FHIT: variants seen among roughly 807,000 people sequenced by gnomAD.
FHIT encodes bis(5'-adenosyl)-triphosphatase.
Under a neutral mutation model 17.9 loss-of-function variants are expected in FHIT, and 19 were observed. The ratio of observed to expected loss-of-function variants is 1.06; its 90% CI spans 0.74 to 1.56. The LOEUF is 1.56. Ranked by LOEUF, FHIT falls within the 40% of genes most tolerant of loss-of-function variation. The pLI is 0.00. For synonymous variants in FHIT, 81 were observed against 69.7 expected, an observed-to-expected ratio of 1.16 and a Z score of -0.81; for missense variants, 248 against 189.2, an observed-to-expected ratio of 1.31 and a Z score of -1.82.
intron 5 of FHIT, among the ~76,000 whole-genome samples, chr3:60,179,145 G>A (rs2107435249): frequency 6.6e-6 from 1 of 152,234 alleles, no homozygotes; most frequent in South Asian, 2.1e-4. Context: ...TACCTACCAC[G>A]TGGCCGCATT....
At chr3:60,572,085 T>C (rs989218125) in intron 4 of FHIT, among the ~76,000 whole-genome samples, 5 of 152,060 alleles carry the variant, frequency 3.3e-5, no homozygotes, top group Admixed American at 6.6e-5. Context: ...AGTCAATAGA[T>C]TCTAAATTAT....
At chr3:60,339,906 G>C (rs1462725625) in intron 5 of FHIT, among the ~76,000 whole-genome samples, 2 of 152,064 alleles carry the variant, frequency 1.3e-5, no homozygotes, top group African/African-American at 4.8e-5. Flanking sequence ...TAAAGGCTTA[G>C]AATCTTTATT....
intron 3 of FHIT, among the ~76,000 whole-genome samples, chr3:60,859,575 C>A (rs1304269187): frequency 6.6e-6 from 1 of 151,948 alleles, no homozygotes; most frequent in African/African-American, 2.4e-5. Flanking sequence ...CTAGACTCTA[C>A]TCCTCACTCT....
intron 5 of FHIT, among the ~76,000 whole-genome samples, chr3:60,470,261 T>C (rs1033663864): frequency 1.3e-5 from 2 of 152,072 alleles, no homozygotes; most frequent in African/African-American, 4.8e-5. Flanking sequence ...AATAAGTATA[T>C]GGGAAATCCT....
chr3:59,778,920 T>C (rs1702450500), intron 8 of FHIT, among the ~76,000 whole-genome samples: 1 of 152,210 alleles, frequency 6.6e-6, no homozygotes, highest in Admixed American at 6.5e-5. Flanking sequence ...CTAGCTTTTG[T>C]AAGAAACCTC....
chr3:60,254,334 T>A (rs936036185), intron 5 of FHIT, among the ~76,000 whole-genome samples: 1 of 152,118 alleles, frequency 6.6e-6, no homozygotes, highest in African/African-American at 2.4e-5. Flanking sequence ...AATAACTCCA[T>A]ATTTTATCTA....
chr3:59,908,276 G>A (rs763508652), intron 8 of FHIT, among the ~76,000 whole-genome samples: 30 of 152,230 alleles, frequency 2.0e-4, no homozygotes, highest in Non-Finnish European at 4.0e-4. Context: ...GCTTTGCAAA[G>A]AGAATAATGA....
At chr3:60,371,105 C>G (rs890794988) in intron 5 of FHIT, among the ~76,000 whole-genome samples, 3 of 152,172 alleles carry the variant, frequency 2.0e-5, no homozygotes, top group Admixed American at 6.5e-5. Flanking sequence ...ACAGAAGACT[C>G]TGGTTTTTCT....
chr3:59,862,218 C>T lies in FHIT; in HGVS notation c.348+60128G>A, dbSNP rs561422375. Among the ~76,000 whole-genome samples the T allele has an allele frequency of 4.2e-3, 640 of 152,350 alleles. 6 individuals are homozygous for T. Among genetic ancestry groups the T allele is most frequent in the African/African-American group, 0.015 (616 of 41,588 alleles). Reference sequence around the variant, plus strand: ...GTGAAAGGCAAAGGAGAAGCAAAGGCACATCTTACATGGTGGCAGGCAAGA... The same window carrying T: ...GTGAAAGGCAAAGGAGAAGCAAAGGTACATCTTACATGGTGGCAGGCAAGA... On this transcript the variant is annotated intron_variant, in intron 8 of 9. Coordinates refer to ENST00000492590, the MANE Select transcript of FHIT (RefSeq NM_002012.4).
At chr3:60,339,162 T>C (rs1710388649) in intron 5 of FHIT, among the ~76,000 whole-genome samples, 1 of 152,182 alleles carries the variant, frequency 6.6e-6, no homozygotes. Context: ...ATATATAAAA[T>C]GAGTGATTTT....
chr3:60,279,789 T>G (rs1707341602), intron 5 of FHIT, among the ~76,000 whole-genome samples: 1 of 152,002 alleles, frequency 6.6e-6, no homozygotes, highest in Non-Finnish European at 1.5e-5. Flanking sequence ...CCTAGCACTT[T>G]GGGAGGCCGA....
At chr3:61,151,201 T>A (rs7627137) in intron 2 of FHIT, among the ~76,000 whole-genome samples, 7,220 of 152,292 alleles carry the variant, frequency 0.047, 546 homozygotes, top group East Asian at 0.27. Flanking sequence ...AAGTGCTTTT[T>A]AAGAACTAGA....
chr3:60,062,934 G>A (rs1201457970), intron 5 of FHIT, among the ~76,000 whole-genome samples: 1 of 152,130 alleles, frequency 6.6e-6, no homozygotes, highest in Non-Finnish European at 1.5e-5. Flanking sequence ...TAGGAGAGAA[G>A]AAGTGAAAAG....
chr3:60,643,741 A>G (rs1553686001), intron 4 of FHIT, among the ~76,000 whole-genome samples: 1 of 152,226 alleles, frequency 6.6e-6, no homozygotes, highest in East Asian at 1.9e-4. Flanking sequence ...GATCAAGGGT[A>G]GTAGTATCTG....
At chr3:59,754,803 C>CA (rs1372042332) in intron 8 of FHIT, among the ~76,000 whole-genome samples, 2 of 152,160 alleles carry the variant, frequency 1.3e-5, no homozygotes, top group African/African-American at 4.8e-5. Flanking sequence ...ATCATCTTTG[C>CA]AAAAACTCTG....
chr3:61,134,132 A>ACACACACACACACACACACACAC, intron 2 of FHIT, among the ~76,000 whole-genome samples: 1 of 37,242 alleles, frequency 2.7e-5, no homozygotes, highest in Non-Finnish European at 6.6e-5. Context: ...CACACACACA[A>ACACACACACACACACACACACAC]AGAGGTCAAG....
At chr3:60,372,862 A>G (rs1458459222) in intron 5 of FHIT, among the ~76,000 whole-genome samples, 3 of 152,150 alleles carry the variant, frequency 2.0e-5, no homozygotes, top group Admixed American at 1.3e-4. Flanking sequence ...TATTGAGTTC[A>G]GTATATTCAG....
At chr3:60,148,848 CT>C (rs1301507027) in intron 5 of FHIT, among the ~76,000 whole-genome samples, 2 of 152,202 alleles carry the variant, frequency 1.3e-5, no homozygotes, top group Admixed American at 1.3e-4. Flanking sequence ...GTGCTTCTCA[CT>C]TAAAAAATAA....
At chr3:59,991,036 G>C (rs183644735) in intron 7 of FHIT, among the ~76,000 whole-genome samples, 2 of 152,160 alleles carry the variant, frequency 1.3e-5, no homozygotes, top group Admixed American at 1.3e-4. Flanking sequence ...TAAACATCCA[G>C]ATGAGGTATT....
Sources: allele counts gnomAD v4.1 joint callset (sites outside exome capture counted in the v4.1 genomes callset), GRCh38; gene constraint gnomAD v4.1.1; transcripts MANE v1.5; gene names NCBI Gene and HGNC (gene_info 2026-07-23, HGNC 2026-07-21).